The following IFI30 variants were observed in gnomAD, a reference collection of about 807,000 sequenced individuals.
The protein encoded by IFI30 is IFI30 lysosomal thiol reductase, also known as gamma-interferon-inducible lysosomal thiol reductase.
Under a neutral mutation model 30.1 loss-of-function variants are expected in IFI30, and 26 were observed. That is an observed-to-expected ratio of 0.87 (90% CI 0.63 to 1.20). The LOEUF (loss-of-function observed/expected upper bound fraction) is 1.20. Ranked by LOEUF, IFI30 falls within the 50% of genes most tolerant of loss-of-function variation. The pLI, the probability that IFI30 is intolerant of heterozygous loss-of-function variation, is 0.00. For synonymous variants in IFI30, 149 were observed against 134.5 expected (o/e 1.11, Z -0.75); for missense variants, 296 against 312.5 (o/e 0.95, Z 0.40).
At chr19:18,176,210 A>G (rs1029572491) in intron 4 of IFI30, among the ~76,000 whole-genome samples, 26 of 126,924 alleles carry the variant, frequency 2.0e-4, no homozygotes, top group Non-Finnish European at 3.4e-4. Flanking sequence ...GCTGGAGTGC[A>G]GTGGTGCAAT....
intron 4 of IFI30, 128 bp from the exon 5 acceptor site, chr19:18,177,012 C>G (rs963580237): frequency 8.2e-6 from 8 of 979,352 alleles, no homozygotes; most frequent in Non-Finnish European, 1.2e-5. Context: ...TGGGCTTTGT[C>G]GCATCACTGT....
intron 3 of IFI30, 59 bp downstream of exon 3, chr19:18,175,444 C>T (rs1316309831): frequency 2.0e-6 from 3 of 1,497,158 alleles, no homozygotes; most frequent in Non-Finnish European, 2.7e-6. Context: ...GTACAGGAGG[C>T]AAATACGAGG....
In IFI30 at chr19:18,177,908, G is replaced by C; in HGVS notation, c.750G>C (p.Lys250Asn). ...GCTCCCTCAGGAGTGTTTGCTTCAA[G>C]TGATGGCCGGTGAGCTGCGGAGAGC... The part of the protein sequence containing the change: ...STSSLRSVCF[K>N] Residue 250 changes from lysine (K) to asparagine (N), a missense_variant, in exon 7 of 7, where the codon AAG becomes AAC. Coordinates refer to ENST00000407280, the MANE Select transcript of IFI30 (RefSeq NM_006332.5). 6.3e-7 allele frequency: 1 copy of C among 1,585,742 alleles called. No individual in the cohort carries two copies. The highest frequency in any genetic ancestry group is 8.6e-7 in the Non-Finnish European group (1 of 1,165,728).
Position 18,175,139 on chromosome 19 carries a change from T to G in IFI30, c.232T>G (p.Phe78Val). ...YEALCGGCRA[F>V]LIRELFPTWL... is the part of the protein sequence containing the mutation. ...AGCACTGTGCGGTGGCTGCCGAGCC[T>G]TCCTGATCCGGGAGCTCTTCCCAAC... Residue 78 changes from phenylalanine to valine, a missense_variant, in exon 2 of 7, where the codon TTC becomes GTC. By Grantham distance (50) the Phe-to-Val change is conservative. Transcript: ENST00000407280. 1 of 1,612,004 alleles carries G rather than the reference T, an allele frequency of 6.2e-7. No individual in the cohort carries two copies. The highest frequency in any genetic ancestry group is 8.5e-7 in the Non-Finnish European group (1 of 1,179,038).
At chr19:18,176,141 C>CTTTTTT (rs71336666) in intron 4 of IFI30, among the ~76,000 whole-genome samples, 12 of 56,454 alleles carry the variant, frequency 2.1e-4, no homozygotes, top group South Asian at 1.3e-3. Context: ...GCACCCAGCC[C>CTTTTTT]TTTTTTTTTT....
At chr19:18,176,805 CTG>C (rs1327476712) in intron 4 of IFI30, among the ~76,000 whole-genome samples, 1 of 152,076 alleles carries the variant, frequency 6.6e-6, no homozygotes, top group Non-Finnish European at 1.5e-5. Flanking sequence ...TGAGGAGACA[CTG>C]TGGAAGGAGG....
At chr19:18,177,417 G>A in intron 5 of IFI30, 125 bp downstream of exon 5, 2 of 1,118,704 alleles carry the variant, frequency 1.8e-6, no homozygotes, top group Non-Finnish European at 2.5e-6. Flanking sequence ...TCATGCCACT[G>A]CACTCCAGCC....
chr19:18,175,434 G>C (rs45514694), intron 3 of IFI30, 49 bp downstream of exon 3: 20,596 of 1,525,268 alleles, frequency 0.014, 142 homozygotes, highest in Middle Eastern at 0.021. Flanking sequence ...ACTGTCCCAC[G>C]TACAGGAGGC....
At chr19:18,176,652 G>T (rs1012243909) in intron 4 of IFI30, among the ~76,000 whole-genome samples, 3 of 152,164 alleles carry the variant, frequency 2.0e-5, no homozygotes, top group Non-Finnish European at 4.4e-5. Flanking sequence ...GGATTGTGAA[G>T]AATGACTCCC....
intron 1 of IFI30, chr19:18,174,242 T>C (rs1013521262): frequency 5.1e-6 from 2 of 388,374 alleles, no homozygotes; most frequent in Non-Finnish European, 9.4e-6. Flanking sequence ...GCCTACTGTG[T>C]ACTTTTGGGG....
chr19:18,174,024 G>A, intron 1 of IFI30, 51 bp downstream of exon 1: 1 of 1,496,180 alleles, frequency 6.7e-7, no homozygotes, highest in African/African-American at 1.4e-5. Flanking sequence ...CGCCCTGTCG[G>A]GGCACGCGGC....
At chr19:18,174,479 C>G (rs1445514815) in intron 1 of IFI30, 1 of 160,336 alleles carries the variant, frequency 6.2e-6, no homozygotes, top group Non-Finnish European at 1.4e-5. Context: ...GAAGTCAGCA[C>G]CTATTAGGTG....
At chr19:18,175,779 T>C in intron 4 of IFI30, 82 bp downstream of exon 4, 1 of 1,008,558 alleles carries the variant, frequency 9.9e-7, no homozygotes, top group Non-Finnish European at 1.5e-6. Context: ...CAAATTCAAG[T>C]CCTAGCCCTG....
chr19:18,175,798 T>C (rs1967263509), intron 4 of IFI30, 101 bp downstream of exon 4: 1 of 779,032 alleles, frequency 1.3e-6, no homozygotes, highest in Admixed American at 2.1e-5. Context: ...TGACCACTGC[T>C]GTCTGTGCAG....
Position 18,175,307 on chromosome 19 carries a change from G to A in IFI30, c.316-4G>A. 1 of 1,586,244 alleles carries A rather than the reference G, an allele frequency of 6.3e-7. No individual in the cohort carries two copies. The highest frequency in any genetic ancestry group is 8.6e-7 in the Non-Finnish European group (1 of 1,166,980). On this transcript the variant is annotated splice_region_variant and splice_polypyrimidine_tract_variant and intron_variant, in intron 2 of 6. Coordinates refer to ENST00000407280, the MANE Select transcript of IFI30 (RefSeq NM_006332.5). ...CAGCAGGCTCTCACCCTGCTGCCTT[G>A]CAGGAACAAAATGTCAGTGGCAGGT...
At position 18,173,822 on chromosome 19, in the gene IFI30, A is replaced by G. The variant is rs1025081902; in HGVS notation, c.-20A>G. The G allele has an allele frequency of 2.6e-6, 4 of 1,526,502 alleles. 1 individual carries two copies. The highest frequency in any genetic ancestry group is 3.5e-6 in the Non-Finnish European group (4 of 1,136,210). 94.6% of individuals were successfully genotyped at this position (1,526,502 alleles called of 1,614,324 possible). A position where few individuals can be genotyped will look rare whatever the true frequency, so the allele number is the denominator to read the frequency against. On this transcript the variant is annotated 5_prime_UTR_variant, in exon 1 of 7. Coordinates refer to ENST00000407280, the MANE Select transcript of IFI30 (RefSeq NM_006332.5). ...TTCCCAGGCAGCCGCTGCAGTCGCC[A>G]CACCTTTGCCCCTGCTGCGATGACC...
Position 18,177,963 on chromosome 19 carries a change from C to A in IFI30, c.*52C>A. 6.5e-7 allele frequency: 1 copy of A among 1,544,876 alleles called. No individual in the cohort carries two copies. Among genetic ancestry groups the A allele is most frequent in the Non-Finnish European group, 8.8e-7 (1 of 1,141,676 alleles). On this transcript the variant is annotated 3_prime_UTR_variant, in exon 7 of 7. Coordinates refer to ENST00000407280, the MANE Select transcript of IFI30 (RefSeq NM_006332.5). ...GGAAGGCGAGTGGGAACCCGGCTGCCTGCCTTTTTTTCTGATCCAGACCCT... is the reference window on the plus strand; with the variant it reads ...GGAAGGCGAGTGGGAACCCGGCTGCATGCCTTTTTTTCTGATCCAGACCCT...
In IFI30 at chr19:18,175,316, A is replaced by G; in HGVS notation, c.321A>G (p.Gln107=). ...TLVPYGNAQE[Q]NVSGRWEFKC... ...CTCACCCTGCTGCCTTGCAGGAACA[A>G]AATGTCAGTGGCAGGTGGGAGTTCA... The change falls in exon 3 of 7, where the codon CAA becomes CAG. Residue 107 remains glutamine, a synonymous_variant. Coordinates refer to ENST00000407280, the MANE Select transcript of IFI30 (RefSeq NM_006332.5). The G allele has an allele frequency of 5.0e-6, 8 of 1,590,166 alleles. No individual in the cohort carries two copies. The highest frequency in any genetic ancestry group is 6.8e-6 in the Non-Finnish European group (8 of 1,168,912).
chr19:18,174,868 C>CAA (rs368913279), intron 1 of IFI30, 172 bp from the exon 2 acceptor site: 646 of 488,184 alleles, frequency 1.3e-3, no homozygotes, highest in East Asian at 1.7e-3. Context: ...GACTCCATCT[C>CAA]AAAAAAAAAA....
Sources: gnomAD v4.1 joint callset for allele counts (sites outside exome capture counted in the v4.1 genomes callset) on GRCh38, gnomAD v4.1.1 for gene constraint, MANE v1.5 for transcripts, NCBI Gene and HGNC (gene_info 2026-07-23, HGNC 2026-07-21) for gene names.